Variants in NTNG1 observed in about 807,000 individuals in gnomAD.
NTNG1 encodes the protein netrin G1, also known as netrin-G1.
Under a neutral mutation model 54.0 loss-of-function variants are expected in NTNG1, and 16 were observed. That is an observed-to-expected ratio of 0.30 (90% CI 0.20 to 0.45). The LOEUF is 0.45. Among genes scored for constraint, NTNG1 ranks in the 20% least tolerant of loss-of-function variants. NTNG1 has a pLI of 1.00. For synonymous variants in NTNG1, 255 were observed against 263.1 expected (o/e 0.97, Z 0.30); for missense variants, 530 against 678.7 (o/e 0.78, Z 2.43).
intron 2 of NTNG1, among the ~76,000 whole-genome samples, chr1:107,215,451 T>C (rs181056219): frequency 1.4e-4 from 21 of 152,214 alleles, no homozygotes; most frequent in Non-Finnish European, 2.6e-4. Flanking sequence ...TAAGTGTTTG[T>C]CTTTATTTTT....
intron 2 of NTNG1, among the ~76,000 whole-genome samples, chr1:107,201,094 T>G (rs1658721117): frequency 6.6e-6 from 1 of 151,840 alleles, no homozygotes; most frequent in South Asian, 2.1e-4. Flanking sequence ...TCAAGCCATA[T>G]CTATATTATC....
Position 107,228,092 on chromosome 1 carries a change from AT to A in NTNG1, c.246+79255del, listed in dbSNP as rs200224429. 5.7e-3 allele frequency among the ~76,000 whole-genome samples: 864 copies of A among 152,330 alleles called. 10 individuals are homozygous for A. Among genetic ancestry groups the A allele is most frequent in the African/African-American group, 0.02 (822 of 41,576 alleles). On this transcript the variant is annotated intron_variant, in intron 2 of 7. Coordinates refer to ENST00000370068, the MANE Select transcript of NTNG1 (RefSeq NM_001113226.3). ...AAGTATCAGGTAATCCACATCTGCT[AT>A]TCTTGCATCAACTTTAAAACATTTA...
chr1:107,366,368 G>A (rs907980323), intron 3 of NTNG1, among the ~76,000 whole-genome samples: 1 of 152,116 alleles, frequency 6.6e-6, no homozygotes, highest in Non-Finnish European at 1.5e-5. Flanking sequence ...CTACTGAACA[G>A]ATGTAAGGGC....
intron 3 of NTNG1, among the ~76,000 whole-genome samples, chr1:107,351,644 A>G (rs1669605595): frequency 1.3e-5 from 2 of 152,162 alleles, no homozygotes; most frequent in South Asian, 4.1e-4. Context: ...CAGACCCAAA[A>G]CAATATCATT....
At chr1:107,364,038 A>T (rs1054680089) in intron 3 of NTNG1, among the ~76,000 whole-genome samples, 13 of 152,154 alleles carry the variant, frequency 8.5e-5, no homozygotes, top group Non-Finnish European at 1.6e-4. Flanking sequence ...TTGACTGACT[A>T]AGAAGAATGT....
rs963300646 is a variant in NTNG1, at chr1:107,361,234, C to CAT, written c.888-33916_888-33915dup. 1.0e-4 allele frequency among the ~76,000 whole-genome samples: 14 copies of CAT among 135,648 alleles called. 1 individual carries two copies. The East Asian group carries it at 2.1e-3, about 20-fold the overall frequency. 89.0% of individuals were successfully genotyped at this position (135,648 alleles called of 152,430 possible). On this transcript the variant is annotated intron_variant, in intron 3 of 7. Coordinates refer to ENST00000370068, the MANE Select transcript of NTNG1 (RefSeq NM_001113226.3). ...ATATATAAATTATATATAAAATAAACATATAAATTATTATATAAAATATAT... is the reference window on the plus strand; with the variant it reads ...ATATATAAATTATATATAAAATAAACATATATAAATTATTATATAAAATATAT...
At chr1:107,407,492 T>TTGTG (rs3838422) in intron 4 of NTNG1, among the ~76,000 whole-genome samples, 190 bp from the exon 5 acceptor site, 1,744 of 150,310 alleles carry the variant, frequency 0.012, 21 homozygotes, top group African/African-American at 0.027. Context: ...TTGCTGGAAA[T>TTGTG]TGTGTGTGTG....
chr1:107,253,977 AT>A (rs1485647965), intron 2 of NTNG1, among the ~76,000 whole-genome samples: 1 of 152,178 alleles, frequency 6.6e-6, no homozygotes, highest in Non-Finnish European at 1.5e-5. Context: ...TAGATTAATT[AT>A]TTTGTTTGTG....
intron 2 of NTNG1, among the ~76,000 whole-genome samples, chr1:107,263,693 C>T (rs1570530788): frequency 6.6e-6 from 1 of 152,180 alleles, no homozygotes; most frequent in African/African-American, 2.4e-5. Context: ...TCCTTACAAG[C>T]CTTATAACCT....
chr1:107,358,469 A>G (rs947862604), intron 3 of NTNG1, among the ~76,000 whole-genome samples: 4 of 152,040 alleles, frequency 2.6e-5, no homozygotes, highest in Admixed American at 2.6e-4. Context: ...AGTCTGTCTA[A>G]TGTAAACTTT....
At chr1:107,302,975 G>A (rs1023223210) in intron 2 of NTNG1, among the ~76,000 whole-genome samples, 17 of 152,164 alleles carry the variant, frequency 1.1e-4, no homozygotes, top group Admixed American at 6.5e-4. Context: ...TCAATACGTA[G>A]TGTAAATATT....
At chr1:107,298,305 C>T (rs534648089) in intron 2 of NTNG1, among the ~76,000 whole-genome samples, 2 of 151,652 alleles carry the variant, frequency 1.3e-5, no homozygotes, top group Non-Finnish European at 2.9e-5. Context: ...TGTCTCAGAG[C>T]AGGAAAGTCA....
At chr1:107,185,867 TA>T (rs1418037064) in intron 2 of NTNG1, among the ~76,000 whole-genome samples, 1 of 754 alleles carries the variant, frequency 1.3e-3, no homozygotes, top group Admixed American at 0.016. Flanking sequence ...GACCAACTTC[TA>T]TTTTTTTTTA....
intron 3 of NTNG1, among the ~76,000 whole-genome samples, chr1:107,386,165 A>ATTTTT (rs71098628): frequency 4.1e-5 from 5 of 120,776 alleles, no homozygotes; most frequent in East Asian, 2.3e-4. Flanking sequence ...ATATATATAT[A>ATTTTT]TTTTTTTTTT....
At chr1:107,378,754 A>C (rs748981558) in intron 3 of NTNG1, among the ~76,000 whole-genome samples, 6 of 152,112 alleles carry the variant, frequency 3.9e-5, no homozygotes, top group Non-Finnish European at 7.4e-5. Context: ...TTAAATCCCT[A>C]GAGCCACCCT....
intron 3 of NTNG1, among the ~76,000 whole-genome samples, chr1:107,381,631 A>T (rs1309186219): frequency 6.6e-6 from 1 of 152,154 alleles, no homozygotes; most frequent in Non-Finnish European, 1.5e-5. Context: ...AAGTAACGTG[A>T]TGTACTCTGT....
rs576481642 is a variant in NTNG1, at chr1:107,470,296, TA to T, written c.1391-10307del. On this transcript the variant is annotated intron_variant, in intron 7 of 7. Coordinates refer to ENST00000370068, the MANE Select transcript of NTNG1 (RefSeq NM_001113226.3). ...TATCTAAGTAAAAGACACATATTTC[TA>T]AAAAAAACCCAGCAATTTATTTTAT... 3.8e-3 allele frequency among the ~76,000 whole-genome samples: 571 copies of T among 152,184 alleles called. 4 individuals carry two copies. The highest frequency in any genetic ancestry group is 0.013 in the African/African-American group (547 of 41,526).
intron 2 of NTNG1, among the ~76,000 whole-genome samples, chr1:107,282,711 A>G (rs1323430930): frequency 1.3e-5 from 2 of 152,122 alleles, no homozygotes; most frequent in Non-Finnish European, 2.9e-5. Flanking sequence ...ATATTATAGC[A>G]CTGTCCTTCA....
intron 3 of NTNG1, among the ~76,000 whole-genome samples, chr1:107,372,108 C>T (rs79231749): frequency 6.6e-6 from 1 of 151,928 alleles, no homozygotes; most frequent in African/African-American, 2.4e-5. Context: ...CTTAATTTAT[C>T]TTCTCTAAAA....
Sources: gnomAD v4.1 joint callset for allele counts (sites outside exome capture counted in the v4.1 genomes callset) on GRCh38, gnomAD v4.1.1 for gene constraint, MANE v1.5 for transcripts, NCBI Gene and HGNC (gene_info 2026-07-23, HGNC 2026-07-21) for gene names.